PDE6C: variants seen among roughly 807,000 people sequenced by gnomAD.
PDE6C encodes the protein phosphodiesterase 6C.
Under a neutral mutation model 113.1 loss-of-function variants are expected in PDE6C, and 75 were observed. The observed-to-expected ratio is 0.66, with a 90% CI of 0.55 to 0.80. The LOEUF is 0.80. PDE6C is among the 30% of genes least tolerant of loss of function. The probability of loss-of-function intolerance (pLI) is 0.00; values close to 1 mark genes in which losing one functional copy is unlikely to be tolerated. For missense variants in PDE6C, 912 were observed against 1,038.6 expected, an observed-to-expected ratio of 0.88 and a Z score of 1.67; for synonymous variants, 375 against 363.7, an observed-to-expected ratio of 1.03 and a Z score of -0.35.
At chr10:93,640,250 T>G (rs1433860284) in intron 12 of PDE6C, 34 bp downstream of exon 12, 3 of 1,589,054 alleles carry the variant, frequency 1.9e-6, no homozygotes, top group Admixed American at 1.7e-5. Flanking sequence ...TACTGTGTGA[T>G]TCTGTGGCTC....
intron 8 of PDE6C, among the ~76,000 whole-genome samples, chr10:93,632,986 T>C (rs1026088181): frequency 4.6e-5 from 7 of 152,182 alleles, no homozygotes; most frequent in African/African-American, 1.7e-4. Context: ...AAAGGCTTCA[T>C]GGGAGAGCCA....
chr10:93,653,742 C>T (rs1164202902), intron 15 of PDE6C, among the ~76,000 whole-genome samples: 1 of 152,116 alleles, frequency 6.6e-6, no homozygotes, highest in Non-Finnish European at 1.5e-5. Context: ...GACTGGTCAA[C>T]ACCCATTGCT....
chr10:93,655,712 CA>C, intron 15 of PDE6C, 47 bp from the exon 16 acceptor site: 1 of 888,268 alleles, frequency 1.1e-6, no homozygotes, highest in Non-Finnish European at 1.9e-6. Context: ...TTCATTTGTT[CA>C]GAGGCAAATT....
chr10:93,634,769 A>G lies in PDE6C; in HGVS notation c.1131A>G (p.Val377=). 6.2e-7 allele frequency: 1 copy of G among 1,614,120 alleles called. No homozygotes were observed. Among genetic ancestry groups the G allele is most frequent in the Non-Finnish European group, 8.5e-7 (1 of 1,179,990 alleles). The part of the protein sequence containing the change: ...DEYFTFQKGP[V]DETGWVIKNV... ...CTTCTCGTTTGTAGAAAGGACCTGT[A>G]GACGAAACTGGTTGGGTCATTAAGA... The change falls in exon 9 of 22, where the codon GTA becomes GTG. Residue 377 remains valine (V), a synonymous_variant. Transcript: ENST00000371447.
At position 93,659,085 on chromosome 10, in the gene PDE6C, T is replaced by C; in HGVS notation, c.2145-19T>C. The C allele has an allele frequency of 6.2e-7, 1 of 1,604,066 alleles. No individual in the cohort carries two copies. The highest frequency in any genetic ancestry group is 8.5e-7 in the Non-Finnish European group (1 of 1,173,264). On this transcript the variant is annotated intron_variant, in intron 17 of 21. Coordinates refer to ENST00000371447, the MANE Select transcript of PDE6C (RefSeq NM_006204.4). ...TTTGTACTTATTTCTATTTTAAAAT[T>C]TTTTGTTTTCTTCCTAAGGGCAATG...
chr10:93,621,759 C>T (rs1298741999), intron 3 of PDE6C, among the ~76,000 whole-genome samples, 173 bp from the exon 4 acceptor site: 4 of 152,204 alleles, frequency 2.6e-5, no homozygotes, highest in African/African-American at 7.2e-5. Context: ...CATCATCTCA[C>T]CTAGAGGATC....
intron 8 of PDE6C, among the ~76,000 whole-genome samples, chr10:93,630,244 G>A (rs1160820632): frequency 6.6e-6 from 1 of 152,042 alleles, no homozygotes; most frequent in Non-Finnish European, 1.5e-5. Context: ...ATCAGCTTCT[G>A]TATGTGCTAC....
intron 1 of PDE6C, 87 bp from the exon 2 acceptor site, chr10:93,620,545 A>G (rs2058440372): frequency 3.7e-6 from 5 of 1,365,032 alleles, no homozygotes; most frequent in Admixed American, 1.7e-5. Flanking sequence ...TAGCATTTAA[A>G]TGAGAGAGAA....
chr10:93,662,918 T>C, intron 20 of PDE6C, 110 bp from the exon 21 acceptor site: 1 of 977,652 alleles, frequency 1.0e-6, no homozygotes, highest in Non-Finnish European at 1.6e-6. Flanking sequence ...AAACTTATCC[T>C]AGCAGCTCTG....
intron 19 of PDE6C, 99 bp from the exon 20 acceptor site, chr10:93,662,460 CA>C (rs11364728): frequency 0.15 from 47,243 of 312,162 alleles, 329 homozygotes; most frequent in African/African-American, 0.22. Context: ...GACTCTGCCT[CA>C]AAAAAAAAAA....
At chr10:93,628,255 G>A (rs1242045788) in intron 7 of PDE6C, among the ~76,000 whole-genome samples, 2 of 147,834 alleles carry the variant, frequency 1.4e-5, no homozygotes, top group Non-Finnish European at 3.0e-5. Context: ...TTTTTTTTAA[G>A]TATGAACTTA....
chr10:93,640,617 A>C, intron 13 of PDE6C, 60 bp downstream of exon 13: 1 of 1,135,806 alleles, frequency 8.8e-7, no homozygotes, highest in Non-Finnish European at 1.3e-6. Context: ...GAGCATGATG[A>C]GAAATAGGTA....
chr10:93,649,686 C>T (rs763480543), intron 15 of PDE6C, among the ~76,000 whole-genome samples: 2 of 152,128 alleles, frequency 1.3e-5, no homozygotes, highest in Admixed American at 1.3e-4. Flanking sequence ...CTCACTGCAA[C>T]CTCCGCCTCC....
chr10:93,645,698 G>T (rs773800558), intron 14 of PDE6C, among the ~76,000 whole-genome samples: 5 of 151,878 alleles, frequency 3.3e-5, no homozygotes, highest in Non-Finnish European at 7.4e-5. Flanking sequence ...GGAACTTAAA[G>T]AATTTAGATA....
chr10:93,619,489 C>T (rs892479942), intron 1 of PDE6C, among the ~76,000 whole-genome samples: 4 of 152,064 alleles, frequency 2.6e-5, no homozygotes, highest in African/African-American at 7.2e-5. Flanking sequence ...TACAATGGCG[C>T]GATCTTGGCT....
intron 15 of PDE6C, among the ~76,000 whole-genome samples, chr10:93,652,111 A>G (rs1468927753): frequency 6.6e-6 from 1 of 152,224 alleles, no homozygotes; most frequent in Non-Finnish European, 1.5e-5. Flanking sequence ...AACACTAAAG[A>G]AAAAGAAAAT....
intron 15 of PDE6C, among the ~76,000 whole-genome samples, chr10:93,651,050 CTTG>C (rs1196808847): frequency 6.6e-6 from 1 of 152,084 alleles, no homozygotes; most frequent in Non-Finnish European, 1.5e-5. Context: ...CATACACAAA[CTTG>C]TTGGTATTTT....
At chr10:93,655,634 G>GAAAAAAAAA in intron 15 of PDE6C, 126 bp from the exon 16 acceptor site, 4 of 527,962 alleles carry the variant, frequency 7.6e-6, no homozygotes, top group South Asian at 2.0e-5. Flanking sequence ...AAAAAGGAAG[G>GAAAAAAAAA]AAAACAAAAA....
intron 16 of PDE6C, 44 bp downstream of exon 16, chr10:93,655,904 T>G (rs1020722010): frequency 1.9e-5 from 18 of 957,550 alleles, no homozygotes; most frequent in Non-Finnish European, 2.8e-5. Flanking sequence ...ATACTCTGTG[T>G]GGTTTTACCT....
Sources: allele counts gnomAD v4.1 joint callset (sites outside exome capture counted in the v4.1 genomes callset), GRCh38; gene constraint gnomAD v4.1.1; transcripts MANE v1.5; gene names NCBI Gene and HGNC (gene_info 2026-07-23, HGNC 2026-07-21).